The following GTF2E2 variants were observed in gnomAD, a reference collection of about 807,000 sequenced individuals.
GTF2E2 encodes general transcription factor IIE subunit 2.
In GTF2E2, 21 loss-of-function variants were observed where a neutral mutation model predicts 40.5. The ratio of observed to expected loss-of-function variants is 0.52; its 90% CI spans 0.37 to 0.75. GTF2E2 has a LOEUF of 0.75. Among genes scored for constraint, GTF2E2 ranks in the 30% least tolerant of loss-of-function variants. GTF2E2 has a pLI of 0.00. For synonymous variants in GTF2E2, 117 were observed against 121.6 expected (o/e 0.96, Z 0.25); for missense variants, 298 against 338.4 (o/e 0.88, Z 0.94).
At chr8:30,650,462 G>GC (rs1465315931) in intron 2 of GTF2E2, among the ~76,000 whole-genome samples, 1 of 149,784 alleles carries the variant, frequency 6.7e-6, no homozygotes, top group African/African-American at 2.5e-5. Context: ...GGCTAAGGGG[G>GC]ATGGATCCCT....
rs375032057 is a variant in GTF2E2 at position 30,580,907 on chromosome 8, AG to A, written c.644-512del. On this transcript the variant is annotated intron_variant, in intron 6 of 7. Coordinates refer to ENST00000355904, the MANE Select transcript of GTF2E2 (RefSeq NM_002095.6). The stretch of plus-strand genomic sequence containing the variant: ...GTGACTAAGGAGGCATGAAAGGGAA[AG>A]GGGGGATGGCTGAAATAGAAACACT... 4.0e-3 allele frequency among the ~76,000 whole-genome samples: 615 copies of A among 152,274 alleles called. 4 individuals are homozygous for A. The highest frequency in any genetic ancestry group is 0.012 in the African/African-American group (511 of 41,566).
At chr8:30,650,749 C>G (rs1802245266) in intron 2 of GTF2E2, among the ~76,000 whole-genome samples, 1 of 151,202 alleles carries the variant, frequency 6.6e-6, no homozygotes, top group Non-Finnish European at 1.5e-5. Context: ...GGTGCGGTGG[C>G]TCACGCCTGT....
rs1828738659 is a variant in GTF2E2, at chr8:30,588,165, C to CTA, written c.644-7770_644-7769insTA. ...GCCATTATGGAAAACTGTATGGAGT[C>CTA]CCCCCAGAAAACTAATAACTAGATT... On this transcript the variant is annotated intron_variant, in intron 6 of 7. Transcript: ENST00000355904. Among the ~76,000 whole-genome samples the CTA allele has an allele frequency of 2.0e-5, 3 of 152,078 alleles. No individual in the cohort carries two copies. In the South Asian group the frequency reaches 6.2e-4, roughly 32 times the overall value.
chr8:30,589,113 C>T (rs1012965611), intron 6 of GTF2E2, among the ~76,000 whole-genome samples: 3 of 152,006 alleles, frequency 2.0e-5, no homozygotes, highest in African/African-American at 7.2e-5. Context: ...AAAAATTATC[C>T]GGGCGTGGTG....
intron 2 of GTF2E2, among the ~76,000 whole-genome samples, chr8:30,637,860 A>G (rs1223407611): frequency 6.6e-6 from 1 of 152,222 alleles, no homozygotes; most frequent in Non-Finnish European, 1.5e-5. Flanking sequence ...CATAGCATGT[A>G]CCTGGTCTGC....
chr8:30,654,591 G>A (rs1186578327), intron 1 of GTF2E2, among the ~76,000 whole-genome samples: 1 of 152,098 alleles, frequency 6.6e-6, no homozygotes, highest in Admixed American at 6.5e-5. Context: ...ACTTTTTAGA[G>A]ACAAGGTCTT....
chr8:30,585,546 T>A (rs1467965517), intron 6 of GTF2E2, among the ~76,000 whole-genome samples: 1 of 152,098 alleles, frequency 6.6e-6, no homozygotes, highest in Non-Finnish European at 1.5e-5. Context: ...GAGAAAAGAA[T>A]ACAGTTTGCT....
At position 30,581,296 on chromosome 8, in the gene GTF2E2, T is replaced by G. The variant is rs377525410; in HGVS notation, c.644-900A>C. Among the ~76,000 whole-genome samples, 3 of 152,022 alleles carry G rather than the reference T, an allele frequency of 2.0e-5. No individual in the cohort carries two copies. In the East Asian group the frequency reaches 5.8e-4, roughly 29 times the overall value. ...CTTCCTTTCTTCCCACCCCAGACCC[T>G]CACCCAGCGCCGCCCTCCTTTTCTT... On this transcript the variant is annotated intron_variant, in intron 6 of 7. Transcript: ENST00000355904.
chr8:30,645,311 T>A lies in GTF2E2; in HGVS notation c.166+8122A>T, dbSNP rs963383640. The stretch of plus-strand genomic sequence containing the variant: ...AAAGAGCAAGTGGAATCTCTAAGAA[T>A]GGCTTCCAGCCACTGGAATGAAACC... On this transcript the variant is annotated intron_variant, in intron 2 of 7. Coordinates refer to ENST00000355904, the MANE Select transcript of GTF2E2 (RefSeq NM_002095.6). 4 of 1,533,708 alleles carry A rather than the reference T, an allele frequency of 2.6e-6. No individual in the cohort carries two copies. The Admixed American group carries it at 5.9e-5, about 23-fold the overall frequency.
intron 6 of GTF2E2, among the ~76,000 whole-genome samples, chr8:30,588,506 A>G (rs1388159765): frequency 1.3e-5 from 2 of 152,352 alleles, no homozygotes; most frequent in Non-Finnish European, 1.5e-5. Flanking sequence ...TCTACGTGGA[A>G]TCTAAAACAA....
In GTF2E2 at chr8:30,635,231, G is replaced by A. The variant is rs1801558177; in HGVS notation, c.167-108C>T. The A allele has an allele frequency of 1.4e-5, 9 of 639,014 alleles. No individual in the cohort carries two copies. The South Asian group carries it at 1.8e-4, about 13-fold the overall frequency. The allele number at this position is 639,014 out of a possible 1,614,324, so 39.6% of individuals were successfully genotyped here. A position where few individuals can be genotyped will look rare whatever the true frequency, so the allele number is the denominator to read the frequency against. On this transcript the variant is annotated intron_variant, in intron 2 of 7. Transcript: ENST00000355904. ...ACATATTTCTTGAGTTTTTCATCTA[G>A]TATATTCTACCCTGTAATATTCTGG...
At chr8:30,630,083 T>G (rs913403462) in intron 3 of GTF2E2, among the ~76,000 whole-genome samples, 1 of 152,246 alleles carries the variant, frequency 6.6e-6, no homozygotes, top group Non-Finnish European at 1.5e-5. Flanking sequence ...TGTTTTACAT[T>G]AACCATTTCT....
At chr8:30,608,377 C>T (rs192202793) in intron 5 of GTF2E2, among the ~76,000 whole-genome samples, 34 of 152,326 alleles carry the variant, frequency 2.2e-4, no homozygotes, top group Admixed American at 1.6e-3. Context: ...TATCATCTCA[C>T]TTTGCTAAAA....
chr8:30,597,946 T>C (rs1309193661), intron 6 of GTF2E2, among the ~76,000 whole-genome samples: 2 of 152,240 alleles, frequency 1.3e-5, no homozygotes, highest in African/African-American at 2.4e-5. Context: ...ATGTAGGCAA[T>C]AGCCAGAATT....
intron 6 of GTF2E2, among the ~76,000 whole-genome samples, chr8:30,583,240 A>AAG (rs1828563516): frequency 1.3e-5 from 2 of 152,236 alleles, no homozygotes; most frequent in African/African-American, 4.8e-5. Context: ...AGGCTGAGGC[A>AAG]GGAAAATCAC....
chr8:30,620,168 A>T (rs967356064), intron 3 of GTF2E2, among the ~76,000 whole-genome samples: 3 of 151,844 alleles, frequency 2.0e-5, no homozygotes, highest in African/African-American at 7.3e-5. Context: ...AAGATAACCA[A>T]TTTCTGTTGT....
chr8:30,639,870 T>C (rs899433088), intron 2 of GTF2E2, among the ~76,000 whole-genome samples: 4 of 152,020 alleles, frequency 2.6e-5, no homozygotes, highest in African/African-American at 7.2e-5. Flanking sequence ...AATAAGATAC[T>C]AGATCTGTCC....
intron 3 of GTF2E2, among the ~76,000 whole-genome samples, chr8:30,621,946 G>A (rs1400694865): frequency 6.7e-6 from 1 of 149,950 alleles, no homozygotes; most frequent in African/African-American, 2.5e-5. Context: ...TAAGTATGAT[G>A]TTAAATCTAG....
intron 2 of GTF2E2, among the ~76,000 whole-genome samples, chr8:30,639,894 T>C (rs1047692466): frequency 4.7e-5 from 7 of 150,434 alleles, no homozygotes; most frequent in Non-Finnish European, 7.4e-5. Flanking sequence ...TTCAGCACAG[T>C]GGGGTTAATT....
Sources: gnomAD v4.1 joint callset for allele counts (sites outside exome capture counted in the v4.1 genomes callset) on GRCh38, gnomAD v4.1.1 for gene constraint, MANE v1.5 for transcripts, NCBI Gene and HGNC (gene_info 2026-07-23, HGNC 2026-07-21) for gene names.